Variants in LRRK1 observed in about 807,000 individuals in gnomAD.
The protein encoded by LRRK1 is leucine-rich repeat serine/threonine-protein kinase 1.
In LRRK1, 113 loss-of-function variants were observed where a neutral mutation model predicts 209.1. The observed-to-expected ratio is 0.54, with a 90% CI of 0.46 to 0.63. The LOEUF is 0.63. Among genes scored for constraint, LRRK1 ranks in the 30% least tolerant of loss-of-function variants. The pLI is 0.00. For missense variants in LRRK1, 2,284 were observed against 2,632.2 expected, an observed-to-expected ratio of 0.87 and a Z score of 2.89; for synonymous variants, 1,144 against 1,099.7, an observed-to-expected ratio of 1.04 and a Z score of -0.80.
chr15:101,016,064 C>A (rs554413790), intron 12 of LRRK1, among the ~76,000 whole-genome samples: 1 of 151,632 alleles, frequency 6.6e-6, no homozygotes, highest in South Asian at 2.1e-4. Flanking sequence ...ATCTTGGCTC[C>A]CTGCAACCTC....
In LRRK1 at chr15:101,051,797, A is replaced by C; in HGVS notation, c.3526A>C (p.Thr1176Pro). The stretch of plus-strand genomic sequence containing the variant: ...CTGCGAGACAGCCTGGGCCCAGCAC[A>C]CGGACCCCAGTGAGAAATCAGAGGA... ...PVCETAWAQH[T>P]DPSEKSEDVQ... is the part of the protein sequence containing the mutation. The change falls in exon 24 of 34, where the codon ACG becomes CCG. Residue 1176 changes from threonine (T) to proline (P), a missense_variant. Physicochemically the swap from Thr to Pro is conservative, Grantham distance 38. Around this residue, in one of 6 missense-constraint regions of LRRK1, gnomAD observed 780 missense variants for 985.2 expected, o/e 0.79. Transcript: ENST00000388948. The C allele has an allele frequency of 1.2e-6, 2 of 1,614,088 alleles. No individual in the cohort carries two copies. Among genetic ancestry groups the C allele is most frequent in the East Asian group, 4.5e-5 (2 of 44,882 alleles).
At chr15:101,047,546 G>T (rs1180829916) in intron 21 of LRRK1, among the ~76,000 whole-genome samples, 1 of 152,248 alleles carries the variant, frequency 6.6e-6, no homozygotes, top group Non-Finnish European at 1.5e-5. Flanking sequence ...AGTTAGGAAA[G>T]AAGTCCTATT....
At chr15:100,986,307 T>C (rs1182724577) in intron 4 of LRRK1, among the ~76,000 whole-genome samples, 1 of 152,246 alleles carries the variant, frequency 6.6e-6, no homozygotes, top group African/African-American at 2.4e-5. Flanking sequence ...CGTTGTTATG[T>C]GATTCCTGGT....
intron 1 of LRRK1, among the ~76,000 whole-genome samples, chr15:100,924,187 C>T (rs1468837105): frequency 2.0e-5 from 3 of 152,216 alleles, no homozygotes; most frequent in Non-Finnish European, 4.4e-5. Context: ...GCCACTGAGC[C>T]TCACACAGAG....
chr15:100,935,083 A>G (rs1262604284), intron 2 of LRRK1, among the ~76,000 whole-genome samples: 4 of 152,180 alleles, frequency 2.6e-5, no homozygotes, highest in Non-Finnish European at 5.9e-5. Flanking sequence ...ACTCCAGGCT[A>G]TGTCAGAGCC....
At chr15:100,955,087 A>T (rs1160142693) in intron 2 of LRRK1, among the ~76,000 whole-genome samples, 2 of 152,200 alleles carry the variant, frequency 1.3e-5, no homozygotes, top group Non-Finnish European at 2.9e-5. Context: ...TCTGTGGATC[A>T]CTTTGAGTAG....
rs1309064930 is a variant in LRRK1 at position 100,919,765 on chromosome 15, G to C, written c.-123+314G>C. Among the ~76,000 whole-genome samples the C allele has an allele frequency of 6.6e-6, 1 of 152,064 alleles. No homozygotes were observed. Among genetic ancestry groups the C allele is most frequent in the Non-Finnish European group, 1.5e-5 (1 of 67,994 alleles). The stretch of plus-strand genomic sequence containing the variant: ...CAGGGAACCCCGAAACCCCGTCCGG[G>C]CAGGGTCGGGAAAGCTGGGAAGCGG... On this transcript the variant is annotated intron_variant, in intron 1 of 33. Transcript: ENST00000388948. The surrounding 1 kb of genome is among the most constrained non-coding windows in gnomAD (Gnocchi z 5.8).
intron 19 of LRRK1, among the ~76,000 whole-genome samples, chr15:101,028,499 G>A (rs74504796): frequency 0.1 from 15,306 of 152,274 alleles, 1,049 homozygotes; most frequent in Non-Finnish European, 0.15. Context: ...TTCAAAAAAC[G>A]TGGCACTGAC....
At chr15:100,994,250 C>G (rs2032296562) in intron 6 of LRRK1, among the ~76,000 whole-genome samples, 1 of 152,160 alleles carries the variant, frequency 6.6e-6, no homozygotes, top group African/African-American at 2.4e-5. Flanking sequence ...GCTTAGACTC[C>G]CGAACACAGT....
At position 101,066,004 on chromosome 15, in the gene LRRK1, C is replaced by T. The variant is rs1393040389; in HGVS notation, c.5567C>T (p.Pro1856Leu). 1.2e-6 allele frequency: 2 copies of T among 1,614,026 alleles called. No individual in the cohort carries two copies. Among genetic ancestry groups the T allele is most frequent in the Admixed American group, 3.3e-5 (2 of 60,018 alleles). Residue 1856 changes from proline (P) to leucine (L), a missense_variant, in exon 32 of 34, where the codon CCC becomes CTC. Physicochemically the swap from Pro to Leu is moderately conservative, Grantham distance 98. This residue lies in a region of LRRK1 where 643 missense variants were observed against 695.9 expected (regional missense o/e 0.92). Coordinates refer to ENST00000388948, the MANE Select transcript of LRRK1 (RefSeq NM_024652.6). ...SSPPRQAARS[P>L]SSLPSSPASS... ...CCACCCCGCCAGGCTGCCAGGTCCC[C>T]CTCAAGCCTCCCCAGCTCCCCAGCA...
chr15:100,958,714 C>T (rs1301083339), intron 2 of LRRK1, among the ~76,000 whole-genome samples: 2 of 152,180 alleles, frequency 1.3e-5, no homozygotes, highest in African/African-American at 2.4e-5. Context: ...AAGCACTTCT[C>T]GTGCTTCCAT....
Position 101,073,016 on chromosome 15 carries a change from GA to G in LRRK1, c.*4171del. On this transcript the variant is annotated 3_prime_UTR_variant, in exon 34 of 34. Transcript: ENST00000388948. Reference sequence around the variant, plus strand: ...TGTCCTCCTGCTCTTTGGTCCATGAGAAAGATCCACCTACAACCTCAAGTCC... The same window carrying G: ...TGTCCTCCTGCTCTTTGGTCCATGAGAAGATCCACCTACAACCTCAAGTCC... 5.5e-6 allele frequency: 1 copy of G among 181,010 alleles called. No individual in the cohort carries two copies. The highest frequency in any genetic ancestry group is 1.1e-5 in the Non-Finnish European group (1 of 89,588). The allele number at this position is 181,010 out of a possible 1,614,324, so 11.2% of individuals were successfully genotyped here. A position where few individuals can be genotyped will look rare whatever the true frequency, so the allele number is the denominator to read the frequency against.
In LRRK1 at chr15:101,077,391, A is replaced by G. The variant is rs565208742; in HGVS notation, c.*8543A>G. The G allele has an allele frequency of 6.8e-4, 103 of 152,280 alleles. 2 individuals are homozygous for G. The highest frequency in any genetic ancestry group is 2.1e-3 in the African/African-American group (87 of 41,554). The allele number at this position is 152,280 out of a possible 1,614,324, so 9.4% of individuals were successfully genotyped here. ...CTGTTTCTCCAAGCCATCACAGCTGATATCTCCTGGTGCTATCCCCAAACC... is the reference window on the plus strand; with the variant it reads ...CTGTTTCTCCAAGCCATCACAGCTGGTATCTCCTGGTGCTATCCCCAAACC... On this transcript the variant is annotated 3_prime_UTR_variant, in exon 34 of 34. Transcript: ENST00000388948.
chr15:101,067,968 G>T (rs1413417007), intron 33 of LRRK1, among the ~76,000 whole-genome samples: 2 of 152,168 alleles, frequency 1.3e-5, no homozygotes, highest in African/African-American at 4.8e-5. Context: ...GCAAGGCCAC[G>T]CGGAGTGAGA....
intron 27 of LRRK1, among the ~76,000 whole-genome samples, chr15:101,056,132 AT>A (rs1410247942): frequency 3.9e-5 from 6 of 152,214 alleles, no homozygotes; most frequent in African/African-American, 1.4e-4. Context: ...TATCTCAGTC[AT>A]TCTCCTGCTA....
chr15:100,972,335 TGAGA>T (rs747771078), intron 2 of LRRK1, among the ~76,000 whole-genome samples: 31 of 106,202 alleles, frequency 2.9e-4, no homozygotes, highest in African/African-American at 9.7e-4. Context: ...TATATATATA[TGAGA>T]GAGAGAGAGA....
chr15:101,059,668 T>C (rs975526416), intron 29 of LRRK1, among the ~76,000 whole-genome samples: 3 of 152,078 alleles, frequency 2.0e-5, no homozygotes, highest in African/African-American at 7.3e-5. Context: ...TCTGAATCGA[T>C]TGGATAGACT....
At chr15:101,004,687 G>A (rs141168294) in intron 6 of LRRK1, among the ~76,000 whole-genome samples, 1 of 152,162 alleles carries the variant, frequency 6.6e-6, no homozygotes, top group Non-Finnish European at 1.5e-5. Context: ...CTCCACTGCG[G>A]CTTGCCCAGA....
intron 2 of LRRK1, among the ~76,000 whole-genome samples, chr15:100,971,152 G>A (rs1167817524): frequency 6.6e-6 from 1 of 151,960 alleles, no homozygotes. Context: ...TGGCCAACAT[G>A]GTGAAACCCC....
Sources: allele counts gnomAD v4.1 joint callset (sites outside exome capture counted in the v4.1 genomes callset), GRCh38; gene constraint gnomAD v4.1.1; regional missense constraint gnomAD v4.1.1; non-coding constraint Gnocchi (gnomAD v3.1); transcripts MANE v1.5; gene names NCBI Gene and HGNC (gene_info 2026-07-23, HGNC 2026-07-21).